The following CORIN variants were observed in gnomAD, a reference collection of about 807,000 sequenced individuals.
CORIN encodes atrial natriuretic peptide-converting enzyme.
In CORIN, 117 loss-of-function variants were observed where a neutral mutation model predicts 125.3. The ratio of observed to expected loss-of-function variants is 0.93; its 90% confidence interval spans 0.80 to 1.09. The LOEUF (loss-of-function observed/expected upper bound fraction) is 1.09, where lower values mean the gene tolerates loss of function less well. Among genes scored for constraint, CORIN ranks in the 50% least tolerant of loss-of-function variants. CORIN has a pLI of 0.00. For synonymous variants in CORIN, 450 were observed against 466.4 expected, an observed-to-expected ratio of 0.96 and a Z score of 0.45; for missense variants, 1,253 against 1,306.7, an observed-to-expected ratio of 0.96 and a Z score of 0.63.
chr4:47,819,352 G>C (rs1012635712), intron 1 of CORIN, among the ~76,000 whole-genome samples: 2 of 152,148 alleles, frequency 1.3e-5, no homozygotes, highest in African/African-American at 2.4e-5. Context: ...AGAAGACAAA[G>C]AGAAACTAAA....
rs1312326737 is a variant in CORIN at position 47,674,490 on chromosome 4, T to G, written c.1260A>C (p.Ser420=). 2 of 1,610,130 alleles carry G rather than the reference T, an allele frequency of 1.2e-6. No individual in the cohort carries two copies. The highest frequency in any genetic ancestry group is 2.7e-5 in the African/African-American group (2 of 74,798). The change falls in exon 10 of 22, where the codon TCA becomes TCC. Residue 420 remains serine (S), a synonymous_variant. Coordinates refer to ENST00000273857, the MANE Select transcript of CORIN (RefSeq NM_006587.4). ...DEENCSVIQT[S]CQEGDQRCLY... is the part of the protein sequence containing the mutation. ...GGCATCTTTGGTCTCCTTCTTGACA[T>G]GAAGTCTGAACTACAGAGGGAGGAA...
chr4:47,615,164 G>A (rs1421355966), intron 19 of CORIN, among the ~76,000 whole-genome samples: 1 of 152,166 alleles, frequency 6.6e-6, no homozygotes, highest in Admixed American at 6.5e-5. Context: ...AAGCTAGCAT[G>A]GTTAGAGCCC....
chr4:47,724,070 C>A (rs1560520881), intron 5 of CORIN, among the ~76,000 whole-genome samples: 1 of 151,494 alleles, frequency 6.6e-6, no homozygotes, highest in Non-Finnish European at 1.5e-5. Flanking sequence ...TAGGCACCAC[C>A]CCTGAAGTGA....
chr4:47,792,272 C>A (rs1429564519), intron 2 of CORIN, among the ~76,000 whole-genome samples: 1 of 152,114 alleles, frequency 6.6e-6, no homozygotes, highest in African/African-American at 2.4e-5. Flanking sequence ...AGGGAAGAGA[C>A]ACCAGACAGG....
At chr4:47,757,873 TA>T (rs145236779) in intron 4 of CORIN, among the ~76,000 whole-genome samples, 14,283 of 106,602 alleles carry the variant, frequency 0.13, 927 homozygotes, top group South Asian at 0.19. Flanking sequence ...TATACATATA[TA>T]TATGTATATA....
At chr4:47,642,844 T>C (rs1723290197) in intron 15 of CORIN, 1 of 1,451,298 alleles carries the variant, frequency 6.9e-7, no homozygotes, top group Admixed American at 2.7e-5. Context: ...ATTAAATTTA[T>C]TGAAGTTGGG....
intron 1 of CORIN, among the ~76,000 whole-genome samples, chr4:47,818,137 A>C (rs150647049): frequency 1.0e-3 from 156 of 152,364 alleles, no homozygotes; most frequent in African/African-American, 3.5e-3. Context: ...GAGGTCAAAA[A>C]ATATCTGGAA....
chr4:47,596,897 T>C (rs766160497), intron 21 of CORIN, among the ~76,000 whole-genome samples: 4 of 152,198 alleles, frequency 2.6e-5, no homozygotes, highest in Non-Finnish European at 2.9e-5. Flanking sequence ...ATATTATTTA[T>C]TATATCTGTT....
At chr4:47,678,229 A>T (rs1725116056) in intron 8 of CORIN, among the ~76,000 whole-genome samples, 175 bp from the exon 9 acceptor site, 1 of 152,208 alleles carries the variant, frequency 6.6e-6, no homozygotes, top group Admixed American at 6.5e-5. Flanking sequence ...ATTGAACAGC[A>T]CTTACCAAGA....
chr4:47,744,727 C>G (rs1041594266), intron 4 of CORIN, 144 bp from the exon 5 acceptor site: 17 of 697,052 alleles, frequency 2.4e-5, no homozygotes, highest in Non-Finnish European at 3.1e-5. Context: ...TTTTTACATT[C>G]AGTCCTATGA....
At chr4:47,740,827 A>T (rs1464791520) in intron 5 of CORIN, among the ~76,000 whole-genome samples, 5 of 152,010 alleles carry the variant, frequency 3.3e-5, no homozygotes, top group Non-Finnish European at 5.9e-5. Context: ...TTTTTTAACA[A>T]GGGGCTCCAA....
chr4:47,773,878 T>A (rs1194649102), intron 3 of CORIN, among the ~76,000 whole-genome samples: 1 of 151,654 alleles, frequency 6.6e-6, no homozygotes, highest in Non-Finnish European at 1.5e-5. Context: ...TTATCTTTTA[T>A]ATTTATTATT....
intron 2 of CORIN, among the ~76,000 whole-genome samples, chr4:47,800,954 T>C (rs533308497): frequency 1.3e-5 from 2 of 152,186 alleles, no homozygotes; most frequent in Non-Finnish European, 2.9e-5. Flanking sequence ...TCTTCAGAGT[T>C]CATCGACTCC....
chr4:47,779,878 T>C (rs1190491585), intron 3 of CORIN, among the ~76,000 whole-genome samples: 1 of 152,210 alleles, frequency 6.6e-6, no homozygotes, highest in Admixed American at 6.5e-5. Flanking sequence ...GGTATGAGTT[T>C]AGGGCATTTC....
At chr4:47,783,586 G>C (rs1338088249) in intron 3 of CORIN, among the ~76,000 whole-genome samples, 3 of 152,034 alleles carry the variant, frequency 2.0e-5, no homozygotes, top group African/African-American at 7.2e-5. Context: ...TTGGACTGAA[G>C]TATATTTAAA....
At chr4:47,707,238 G>A (rs898008173) in intron 5 of CORIN, among the ~76,000 whole-genome samples, 1 of 152,062 alleles carries the variant, frequency 6.6e-6, no homozygotes. Flanking sequence ...AACATACTGC[G>A]TGGTATAATA....
At chr4:47,727,438 ATTAT>A (rs1727642466) in intron 5 of CORIN, among the ~76,000 whole-genome samples, 1 of 152,136 alleles carries the variant, frequency 6.6e-6, no homozygotes, top group Non-Finnish European at 1.5e-5. Flanking sequence ...AAGGTTAGTA[ATTAT>A]TTATAAACAT....
At chr4:47,605,247 TTC>T (rs1472890066) in intron 19 of CORIN, among the ~76,000 whole-genome samples, 1 of 152,188 alleles carries the variant, frequency 6.6e-6, no homozygotes, top group Non-Finnish European at 1.5e-5. Context: ...CATTTGTCTA[TTC>T]TCTGTCTTGG....
chr4:47,637,692 T>C (rs1723081251), intron 16 of CORIN, among the ~76,000 whole-genome samples: 1 of 152,232 alleles, frequency 6.6e-6, no homozygotes, highest in African/African-American at 2.4e-5. Flanking sequence ...TCTGCCTAGA[T>C]TTCAGAAGAT....
Sources: allele counts gnomAD v4.1 joint callset (sites outside exome capture counted in the v4.1 genomes callset), GRCh38; gene constraint gnomAD v4.1.1; transcripts MANE v1.5; gene names NCBI Gene and HGNC (gene_info 2026-07-23, HGNC 2026-07-21).